The following GRIP1 variants were observed in gnomAD, a reference collection of about 807,000 sequenced individuals.
The protein encoded by GRIP1 is glutamate receptor interacting protein 1, also known as glutamate receptor-interacting protein 1.
GRIP1 carries 45 observed loss-of-function variants against 129.9 expected under a neutral mutation model. The observed-to-expected ratio is 0.35, with a 90% confidence interval of 0.27 to 0.44. GRIP1 has a LOEUF of 0.44. Ranked by LOEUF, GRIP1 falls within the 20% of genes least tolerant of loss-of-function variation. The pLI is 1.00. For missense variants in GRIP1, 1,196 were observed against 1,396.8 expected (o/e 0.86, Z 2.29); for synonymous variants, 530 against 520.8 (o/e 1.02, Z -0.24).
intron 1 of GRIP1, among the ~76,000 whole-genome samples, chr12:66,696,804 CAAAAAAAA>C (rs35445606): frequency 5.8e-5 from 6 of 103,754 alleles, no homozygotes; most frequent in Middle Eastern, 0.01. Context: ...GACTCTGTCT[CAAAAAAAA>C]AAAAAAAAAA....
intron 1 of GRIP1, among the ~76,000 whole-genome samples, chr12:66,646,960 A>G (rs2032421629): frequency 6.6e-6 from 1 of 152,214 alleles, no homozygotes; most frequent in Admixed American, 6.5e-5. Context: ...TTGCAAAATT[A>G]TAAAAGGTTG....
intron 2 of GRIP1, among the ~76,000 whole-genome samples, chr12:66,592,122 A>C (rs2063870118): frequency 6.6e-6 from 1 of 152,200 alleles, no homozygotes. Context: ...TTTGGAACAG[A>C]GAGGGCAGAA....
intron 1 of GRIP1, among the ~76,000 whole-genome samples, chr12:66,735,780 C>G (rs925061153): frequency 6.6e-6 from 1 of 152,122 alleles, no homozygotes; most frequent in Non-Finnish European, 1.5e-5. Flanking sequence ...CTTCCAGATG[C>G]AAAAGCTGCC....
intron 13 of GRIP1, among the ~76,000 whole-genome samples, chr12:66,437,051 C>T (rs1055536355): frequency 2.0e-5 from 3 of 151,322 alleles, no homozygotes; most frequent in Admixed American, 2.0e-4. Context: ...TTAACCACTC[C>T]ATGTCAGCTT....
intron 1 of GRIP1, among the ~76,000 whole-genome samples, chr12:67,004,628 G>A (rs1173328436): frequency 6.6e-6 from 1 of 152,030 alleles, no homozygotes; most frequent in Non-Finnish European, 1.5e-5. Context: ...CATGACCCTG[G>A]TTGGATGGGA....
At chr12:67,000,415 A>G (rs2042534943) in intron 1 of GRIP1, among the ~76,000 whole-genome samples, 2 of 152,302 alleles carry the variant, frequency 1.3e-5, no homozygotes, top group Non-Finnish European at 2.9e-5. Flanking sequence ...CTATCTAATC[A>G]CTTACTCTTA....
At chr12:66,717,091 G>C (rs186924229) in intron 1 of GRIP1, among the ~76,000 whole-genome samples, 2 of 152,142 alleles carry the variant, frequency 1.3e-5, no homozygotes, top group Non-Finnish European at 2.9e-5. Flanking sequence ...CTTATTCTTA[G>C]ATGGAAAACT....
intron 1 of GRIP1, among the ~76,000 whole-genome samples, chr12:66,624,728 C>T (rs989713277): frequency 6.6e-6 from 1 of 152,062 alleles, no homozygotes; most frequent in Admixed American, 6.6e-5. Context: ...TGAAATTTCC[C>T]ATGCAGTGTA....
chr12:66,848,993 A>C (rs2039865380), intron 1 of GRIP1, among the ~76,000 whole-genome samples: 2 of 152,052 alleles, frequency 1.3e-5, no homozygotes, highest in South Asian at 4.1e-4. Context: ...CTTGCATTTT[A>C]TCCACCTAGG....
At chr12:66,728,436 T>C (rs967909716) in intron 1 of GRIP1, among the ~76,000 whole-genome samples, 9 of 152,250 alleles carry the variant, frequency 5.9e-5, no homozygotes, top group African/African-American at 1.7e-4. Flanking sequence ...AACTCTAAGA[T>C]GGCCTCCTGA....
In GRIP1 at chr12:66,531,278, T is replaced by A. The variant is rs1279771543; in HGVS notation, c.419-1364A>T. Among the ~76,000 whole-genome samples, 46 of 15,870 alleles carry A rather than the reference T, an allele frequency of 2.9e-3. 5 individuals carry two copies. The highest frequency in any genetic ancestry group is 0.023 in the African/African-American group (44 of 1,948). The allele number at this position is 15,870 out of a possible 152,430, so 10.4% of individuals were successfully genotyped here. ...ATATATATATATATATATATATATA[T>A]ATATATATATATATATATATATATA... On this transcript the variant is annotated intron_variant, in intron 4 of 24. Transcript: ENST00000359742.
intron 2 of GRIP1, among the ~76,000 whole-genome samples, chr12:66,550,902 A>G (rs1186111334): frequency 2.0e-5 from 3 of 152,306 alleles, no homozygotes; most frequent in African/African-American, 7.2e-5. Flanking sequence ...GCCAGGAGAA[A>G]GCACTGGGCA....
chr12:66,628,759 G>A (rs189610194), intron 1 of GRIP1, among the ~76,000 whole-genome samples: 27 of 152,294 alleles, frequency 1.8e-4, no homozygotes, highest in Admixed American at 9.8e-4. Flanking sequence ...GTTAGAGGCC[G>A]GGGACGCTGC....
At chr12:66,761,563 TG>T (rs1394871601) in intron 1 of GRIP1, among the ~76,000 whole-genome samples, 1 of 152,144 alleles carries the variant, frequency 6.6e-6, no homozygotes. Context: ...ACATTGGAAT[TG>T]TGACTCTCCT....
intron 1 of GRIP1, among the ~76,000 whole-genome samples, chr12:67,026,487 T>C (rs565887453): frequency 6.6e-6 from 1 of 152,342 alleles, no homozygotes; most frequent in South Asian, 2.1e-4. Context: ...GTCCTAAGGA[T>C]TGAGTTAAAA....
intron 1 of GRIP1, among the ~76,000 whole-genome samples, chr12:66,664,135 T>C (rs1400337817): frequency 6.6e-6 from 1 of 152,172 alleles, no homozygotes; most frequent in Non-Finnish European, 1.5e-5. Flanking sequence ...CAAGACAATT[T>C]AACTCGAACC....
At chr12:66,486,587 A>G (rs2059961606) in intron 7 of GRIP1, among the ~76,000 whole-genome samples, 2 of 152,104 alleles carry the variant, frequency 1.3e-5, no homozygotes, top group South Asian at 4.2e-4. Context: ...TGTCTTCCTC[A>G]TTCTCTCTTT....
chr12:67,048,425 A>T (rs924002267), intron 1 of GRIP1, among the ~76,000 whole-genome samples: 9 of 152,316 alleles, frequency 5.9e-5, no homozygotes, highest in African/African-American at 1.9e-4. Flanking sequence ...CTTTTTAAAA[A>T]TTTTATATAT....
intron 9 of GRIP1, among the ~76,000 whole-genome samples, chr12:66,457,879 T>C (rs1383714576): frequency 1.3e-5 from 2 of 152,166 alleles, no homozygotes; most frequent in African/African-American, 2.4e-5. Flanking sequence ...AATTTCCTCA[T>C]ACGTCAAATG....
Sources: allele counts gnomAD v4.1 joint callset (sites outside exome capture counted in the v4.1 genomes callset), GRCh38; gene constraint gnomAD v4.1.1; transcripts MANE v1.5; gene names NCBI Gene and HGNC (gene_info 2026-07-23, HGNC 2026-07-21).